Variants in CAB39L observed in about 807,000 individuals in gnomAD.
CAB39L encodes calcium-binding protein 39-like.
CAB39L carries 23 observed loss-of-function variants against 39.1 expected under a neutral mutation model. The observed-to-expected ratio is 0.59, with a 90% CI of 0.42 to 0.83. CAB39L has a LOEUF of 0.83. Ranked by LOEUF, CAB39L falls within the 40% of genes least tolerant of loss-of-function variation. The probability of loss-of-function intolerance (pLI) is 0.00; values close to 1 mark genes in which losing one functional copy is unlikely to be tolerated. For synonymous variants in CAB39L, 126 were observed against 137.2 expected (o/e 0.92, Z 0.57); for missense variants, 366 against 391.9 (o/e 0.93, Z 0.56).
Position 49,434,219 on chromosome 13 carries a change from A to C in CAB39L, c.-241T>G. 1 of 451,710 alleles carries C rather than the reference A, an allele frequency of 2.2e-6. No homozygotes were observed. The highest frequency in any genetic ancestry group is 1.6e-5 in the South Asian group (1 of 63,532). The allele number at this position is 451,710 out of a possible 1,614,324, so 28.0% of individuals were successfully genotyped here. ...ATTCTTTCTTCTCAATATTTGATGG[A>C]TATCCTGCAATAATGTAGGAAAAAC... On this transcript the variant is annotated 5_prime_UTR_variant, in exon 2 of 11. Transcript: ENST00000409308.
chr13:49,348,814 T>C (rs1955256632), intron 7 of CAB39L, among the ~76,000 whole-genome samples: 1 of 152,212 alleles, frequency 6.6e-6, no homozygotes, highest in Admixed American at 6.5e-5. Context: ...TGCCAGGACT[T>C]GCCTCCCGCT....
At chr13:49,415,652 G>A (rs1957073601) in intron 3 of CAB39L, among the ~76,000 whole-genome samples, 1 of 152,144 alleles carries the variant, frequency 6.6e-6, no homozygotes, top group Admixed American at 6.5e-5. Context: ...CCCATGTTGA[G>A]TAAAGTTTTA....
At chr13:49,382,582 C>T (rs923781389) in intron 4 of CAB39L, 7 of 430,326 alleles carry the variant, frequency 1.6e-5, no homozygotes, top group East Asian at 4.7e-5. Flanking sequence ...TAGAGGGATC[C>T]GGTGTGGTCA....
chr13:49,411,506 T>C (rs1956990038), intron 3 of CAB39L, among the ~76,000 whole-genome samples: 1 of 151,940 alleles, frequency 6.6e-6, no homozygotes. Context: ...TTCCAGACCC[T>C]TTTTCCAGGC....
At chr13:49,327,204 T>C (rs1954529121) in intron 10 of CAB39L, among the ~76,000 whole-genome samples, 2 of 152,162 alleles carry the variant, frequency 1.3e-5, no homozygotes, top group South Asian at 2.1e-4. Context: ...TTGAAGGCTA[T>C]TGGACACTCC....
chr13:49,407,376 T>C (rs1181181071), intron 3 of CAB39L, among the ~76,000 whole-genome samples: 1 of 152,206 alleles, frequency 6.6e-6, no homozygotes, highest in African/African-American at 2.4e-5. Context: ...GGCATACTCG[T>C]ACTATAACAA....
At chr13:49,432,060 T>G (rs958969088) in intron 3 of CAB39L, among the ~76,000 whole-genome samples, 1 of 152,196 alleles carries the variant, frequency 6.6e-6, no homozygotes, top group South Asian at 2.1e-4. Flanking sequence ...TTGCCAATTC[T>G]TTTTTTAATG....
intron 3 of CAB39L, chr13:49,401,563 C>CCT (rs10670916): frequency 0.7 from 105,817 of 151,810 alleles, 37,250 homozygotes; most frequent in Middle Eastern, 0.86. Flanking sequence ...GTCACAGCTC[C>CCT]CTTTTACTTC....
intron 3 of CAB39L, among the ~76,000 whole-genome samples, chr13:49,419,845 T>C (rs1957145180): frequency 6.6e-6 from 1 of 152,182 alleles, no homozygotes; most frequent in African/African-American, 2.4e-5. Flanking sequence ...CCTTCTTTTA[T>C]TCCATATCAT....
chr13:49,386,724 T>C (rs945911247), intron 3 of CAB39L, among the ~76,000 whole-genome samples: 1 of 151,832 alleles, frequency 6.6e-6, no homozygotes, highest in Non-Finnish European at 1.5e-5. Flanking sequence ...CCAGACCCCC[T>C]GCAAATTAAG....
intron 3 of CAB39L, among the ~76,000 whole-genome samples, chr13:49,391,759 A>G (rs1956492917): frequency 6.6e-6 from 1 of 152,142 alleles, no homozygotes; most frequent in African/African-American, 2.4e-5. Context: ...CAGAAGGGGG[A>G]AAACAGGAAC....
intron 1 of CAB39L, among the ~76,000 whole-genome samples, chr13:49,443,771 C>T (rs1206127277): frequency 6.6e-6 from 1 of 152,222 alleles, no homozygotes; most frequent in Non-Finnish European, 1.5e-5. Flanking sequence ...ACCACCACCA[C>T]CACCATTCCT....
At chr13:49,380,023 G>T (rs1469799005) in intron 4 of CAB39L, among the ~76,000 whole-genome samples, 2 of 151,964 alleles carry the variant, frequency 1.3e-5, no homozygotes, top group Non-Finnish European at 2.9e-5. Flanking sequence ...TATACTTTTA[G>T]TAGAGACAGG....
intron 3 of CAB39L, among the ~76,000 whole-genome samples, chr13:49,416,960 C>A (rs1957095549): frequency 6.6e-6 from 1 of 152,152 alleles, no homozygotes; most frequent in Admixed American, 6.5e-5. Context: ...ATCTCAAAAT[C>A]TTCTACATAG....
intron 3 of CAB39L, among the ~76,000 whole-genome samples, chr13:49,388,157 C>T (rs973845163): frequency 1.3e-4 from 20 of 151,904 alleles, no homozygotes; most frequent in African/African-American, 4.6e-4. Flanking sequence ...TATTTTATAG[C>T]GATATGAAGA....
At chr13:49,434,375 T>C (rs965413955) in intron 1 of CAB39L, among the ~76,000 whole-genome samples, 152 bp from the exon 2 acceptor site, 2 of 152,214 alleles carry the variant, frequency 1.3e-5, no homozygotes, top group Admixed American at 1.3e-4. Context: ...AATGTACAGC[T>C]GCAAGAAACA....
rs148043367 is a variant in CAB39L at position 49,372,831 on chromosome 13, C to T, written c.276+4136G>A. On this transcript the variant is annotated intron_variant, in intron 5 of 10. Transcript: ENST00000409308. ...CTGGGACTACAGGCGCCCGCCACCA[C>T]GCCCGGCTAATTTTTATATTTTTAG... Among the ~76,000 whole-genome samples the T allele has an allele frequency of 5.1e-3, 776 of 152,160 alleles. 9 individuals carry two copies. Among genetic ancestry groups the T allele is most frequent in the African/African-American group, 0.018 (730 of 41,516 alleles).
intron 5 of CAB39L, among the ~76,000 whole-genome samples, chr13:49,375,807 G>GAAA (rs34734102): frequency 1.3e-3 from 191 of 145,704 alleles, no homozygotes; most frequent in South Asian, 8.8e-3. Context: ...TAAAAAAATT[G>GAAA]AAAAAAAAAA....
chr13:49,385,106 C>T (rs1377371607), intron 3 of CAB39L, among the ~76,000 whole-genome samples: 1 of 152,230 alleles, frequency 6.6e-6, no homozygotes, highest in Non-Finnish European at 1.5e-5. Flanking sequence ...TCCATCTACA[C>T]TGAAAATCTG....
Sources: allele counts gnomAD v4.1 joint callset (sites outside exome capture counted in the v4.1 genomes callset), GRCh38; gene constraint gnomAD v4.1.1; transcripts MANE v1.5; gene names NCBI Gene and HGNC (gene_info 2026-07-23, HGNC 2026-07-21).